The following C13orf46 variants were observed in gnomAD, a reference collection of about 807,000 sequenced individuals.
C13orf46 encodes the protein uncharacterized protein C13orf46.
chr13:113,929,641 G>T, the C13orf46 span, among the ~76,000 whole-genome samples: 1 of 152,212 alleles, frequency 6.6e-6, no homozygotes, highest in South Asian at 2.1e-4. Context: ...GTGAAGTCGC[G>T]CTGTGAGTGA....
chr13:113,945,063 G>A, the C13orf46 span, among the ~76,000 whole-genome samples: 3 of 150,832 alleles, frequency 2.0e-5, no homozygotes, highest in Non-Finnish European at 4.4e-5. Context: ...TGTGTGATGA[G>A]TCCTCCAGGT....
chr13:113,939,391 GAGACCACCCGATGGGGAGGACGC>G, the C13orf46 span, among the ~76,000 whole-genome samples: 23 of 150,690 alleles, frequency 1.5e-4, 1 homozygote, highest in African/African-American at 5.3e-4. Flanking sequence ...GGGGAGGACA[GAGACCACCCGATGGGGAGGACGC>G]AGACCACCCA....
intron 1 of C13orf46, among the ~76,000 whole-genome samples, chr13:113,972,054 C>T (rs552908788): frequency 1.3e-5 from 2 of 152,276 alleles, no homozygotes; most frequent in African/African-American, 4.8e-5. Flanking sequence ...TGCGGCACCT[C>T]CCATCGTGCA....
At chr13:113,939,866 A>G in the C13orf46 span, among the ~76,000 whole-genome samples, 1 of 152,216 alleles carries the variant, frequency 6.6e-6, no homozygotes. Flanking sequence ...TGTGCTTCTA[A>G]GTCAAACACG....
chr13:113,947,178 A>G, the C13orf46 span, among the ~76,000 whole-genome samples: 3 of 152,210 alleles, frequency 2.0e-5, no homozygotes, highest in South Asian at 2.1e-4. Flanking sequence ...TGCTTGGAGG[A>G]AACGCTGTAT....
At chr13:113,945,671 A>AGAAAGAAAGAAG in the C13orf46 span, among the ~76,000 whole-genome samples, 1 of 134,190 alleles carries the variant, frequency 7.5e-6, no homozygotes, top group Non-Finnish European at 1.6e-5. Flanking sequence ...AAAGAAAGAA[A>AGAAAGAAAGAAG]GGAAAGAAAA....
At chr13:113,932,895 C>T in the C13orf46 span, among the ~76,000 whole-genome samples, 922 of 152,002 alleles carry the variant, frequency 6.1e-3, 10 homozygotes, top group African/African-American at 0.021. Context: ...GATGGAGTCT[C>T]GCTCTGTCAG....
the C13orf46 span, among the ~76,000 whole-genome samples, chr13:113,938,136 G>C: frequency 2.7e-4 from 41 of 152,286 alleles, no homozygotes; most frequent in Middle Eastern, 3.4e-3. Context: ...CAGCTCAAAG[G>C]GGGAGTGGGA....
chr13:113,955,020 C>T lies in C13orf46; in HGVS notation c.*1753G>A, dbSNP rs1192589892. 3.9e-4 allele frequency: 64 copies of T among 164,256 alleles called. No homozygotes were observed. The highest frequency in any genetic ancestry group is 1.4e-3 in the African/African-American group (54 of 37,334). 10.2% of individuals were successfully genotyped at this position (164,256 alleles called of 1,614,324 possible). A position where few individuals can be genotyped will look rare whatever the true frequency, so the allele number is the denominator to read the frequency against. On this transcript the variant is annotated 3_prime_UTR_variant, in exon 7 of 7. Coordinates refer to ENST00000636427, the MANE Select transcript of C13orf46 (RefSeq NM_001365455.2). ...GGCAGAGAGGAGGAGTAGGATCTGGCGGAGAGGAGGAGTAGGATCTGGCGG... is the reference window on the plus strand; with the variant it reads ...GGCAGAGAGGAGGAGTAGGATCTGGTGGAGAGGAGGAGTAGGATCTGGCGG...
At chr13:113,959,651 C>A (rs1258425773) in intron 6 of C13orf46, among the ~76,000 whole-genome samples, 1 of 152,210 alleles carries the variant, frequency 6.6e-6, no homozygotes, top group Non-Finnish European at 1.5e-5. Context: ...CTTTCTAAGG[C>A]TGTCACTGGC....
chr13:113,973,304 C>T (rs991520514), intron 1 of C13orf46, among the ~76,000 whole-genome samples: 3 of 152,128 alleles, frequency 2.0e-5, no homozygotes, highest in African/African-American at 7.2e-5. Flanking sequence ...CGTCAACAGG[C>T]GCAGGACAGG....
At chr13:113,939,323 G>A in the C13orf46 span, among the ~76,000 whole-genome samples, 1 of 152,064 alleles carries the variant, frequency 6.6e-6, no homozygotes, top group African/African-American at 2.4e-5. Flanking sequence ...AGCCAGAAGG[G>A]GACCACCCGA....
intron 5 of C13orf46, among the ~76,000 whole-genome samples, chr13:113,966,596 TGATG>T (rs1447643065): frequency 1.3e-5 from 2 of 151,154 alleles, no homozygotes; most frequent in Non-Finnish European, 2.9e-5. Context: ...ATGGTGATGA[TGATG>T]GTGACAGTGA....
the C13orf46 span, among the ~76,000 whole-genome samples, chr13:113,946,947 G>A: frequency 3.3e-5 from 5 of 152,264 alleles, no homozygotes; most frequent in East Asian, 3.9e-4. Context: ...CGACCGGCAG[G>A]TGCGTGGGCC....
chr13:113,960,150 G>A (rs1412973780), intron 6 of C13orf46, among the ~76,000 whole-genome samples: 2 of 152,112 alleles, frequency 1.3e-5, no homozygotes, highest in Non-Finnish European at 2.9e-5. Flanking sequence ...TCAGCTACTT[G>A]GGAGCTGAGG....
chr13:113,932,149 TC>T, the C13orf46 span, among the ~76,000 whole-genome samples: 4 of 152,234 alleles, frequency 2.6e-5, no homozygotes, highest in Non-Finnish European at 5.9e-5. Context: ...AATTGGTTCA[TC>T]CACTGACCCG....
At chr13:113,943,634 T>C in the C13orf46 span, among the ~76,000 whole-genome samples, 2 of 152,228 alleles carry the variant, frequency 1.3e-5, no homozygotes, top group Non-Finnish European at 2.9e-5. Flanking sequence ...CCGTCATGGC[T>C]GGAAACCACC....
the C13orf46 span, among the ~76,000 whole-genome samples, chr13:113,937,706 C>T: frequency 6.6e-6 from 1 of 152,056 alleles, no homozygotes; most frequent in African/African-American, 2.4e-5. Flanking sequence ...TGGTTCGGTC[C>T]GGAAAGGCGG....
At chr13:113,964,561 CAGG>C (rs1454201564) in intron 6 of C13orf46, among the ~76,000 whole-genome samples, 1 of 152,224 alleles carries the variant, frequency 6.6e-6, no homozygotes, top group Non-Finnish European at 1.5e-5. Flanking sequence ...AAAACCTAAA[CAGG>C]AGAAGTCAGT....
Sources: allele counts gnomAD v4.1 joint callset (sites outside exome capture counted in the v4.1 genomes callset), GRCh38; gene constraint gnomAD v4.1.1; transcripts MANE v1.5; gene names NCBI Gene and HGNC (gene_info 2026-07-23, HGNC 2026-07-21).